WWOX: variants seen among roughly 807,000 people sequenced by gnomAD.
The protein encoded by WWOX is WW domain-containing oxidoreductase.
In WWOX, 69 loss-of-function variants were observed where a neutral mutation model predicts 46.2. The ratio of observed to expected loss-of-function variants is 1.49; its 90% CI spans 1.23 to 1.82. The LOEUF (loss-of-function observed/expected upper bound fraction) is 1.82, where lower values mean the gene tolerates loss of function less well. Ranked by LOEUF, WWOX falls within the 40% of genes most tolerant of loss-of-function variation. The pLI, the probability that WWOX is intolerant of heterozygous loss-of-function variation, is 0.00. For missense variants in WWOX, 919 were observed against 542.6 expected (o/e 1.69, Z -6.89); for synonymous variants, 359 against 202.6 (o/e 1.77, Z -6.56).
chr16:78,359,213 C>G (rs765833669), intron 5 of WWOX, among the ~76,000 whole-genome samples: 15 of 152,172 alleles, frequency 9.9e-5, no homozygotes, highest in Non-Finnish European at 2.1e-4. Context: ...GCTAGGTGAG[C>G]TGGTATCTCC....
intron 4 of WWOX, among the ~76,000 whole-genome samples, chr16:78,158,375 C>A (rs1281467548): frequency 6.6e-6 from 1 of 152,096 alleles, no homozygotes; most frequent in South Asian, 2.1e-4. Context: ...ATAGGGTCTT[C>A]CACCACAGAT....
intron 8 of WWOX, chr16:79,203,131 A>G (rs1414233766): frequency 6.6e-6 from 1 of 152,222 alleles, no homozygotes; most frequent in Non-Finnish European, 1.5e-5. Flanking sequence ...GGTGAATGAA[A>G]TATCTATTGT....
intron 5 of WWOX, among the ~76,000 whole-genome samples, chr16:78,185,487 ATT>A (rs35509706): frequency 2.7e-4 from 39 of 144,910 alleles, no homozygotes; most frequent in Admixed American, 5.5e-4. Flanking sequence ...GTGAACTGTG[ATT>A]TTTTTTTTTT....
intron 8 of WWOX, among the ~76,000 whole-genome samples, chr16:78,798,103 A>G (rs1270563411): frequency 2.0e-5 from 3 of 152,226 alleles, no homozygotes; most frequent in Non-Finnish European, 2.9e-5. Context: ...GAGATGGGGT[A>G]GCTTGCTCAT....
chr16:78,956,677 T>G (rs560858661), intron 8 of WWOX, among the ~76,000 whole-genome samples: 27 of 152,334 alleles, frequency 1.8e-4, no homozygotes, highest in African/African-American at 6.3e-4. Context: ...TGTTTTCACT[T>G]TTTAATCTCT....
chr16:78,319,767 CTG>C (rs1490448028), intron 5 of WWOX, among the ~76,000 whole-genome samples: 7 of 152,208 alleles, frequency 4.6e-5, no homozygotes, highest in Non-Finnish European at 7.3e-5. Flanking sequence ...CGAGGTCTCT[CTG>C]TGCTACCCCT....
intron 8 of WWOX, among the ~76,000 whole-genome samples, chr16:78,920,275 C>T (rs575609387): frequency 9.2e-5 from 14 of 152,316 alleles, no homozygotes; most frequent in African/African-American, 3.4e-4. Flanking sequence ...TGGCCAAACA[C>T]AGTGACCTGG....
chr16:79,123,781 A>T, intron 8 of WWOX, among the ~76,000 whole-genome samples: 1 of 152,290 alleles, frequency 6.6e-6, no homozygotes, highest in Admixed American at 6.5e-5. Context: ...AATTATGTCA[A>T]CCTGATTTCT....
intron 8 of WWOX, among the ~76,000 whole-genome samples, chr16:79,195,759 C>G (rs1291297286): frequency 2.0e-5 from 3 of 152,166 alleles, no homozygotes; most frequent in African/African-American, 7.2e-5. Context: ...TTTGGGGAAA[C>G]ACTCCAGGTA....
intron 8 of WWOX, among the ~76,000 whole-genome samples, chr16:78,461,908 T>G (rs1417551614): frequency 6.6e-6 from 1 of 152,220 alleles, no homozygotes; most frequent in East Asian, 1.9e-4. Context: ...AATATTGTTG[T>G]AAGACTTTTA....
At chr16:78,707,840 TATAAATAAATAAATAAATAAATAA>T (rs10582418) in intron 8 of WWOX, among the ~76,000 whole-genome samples, 6 of 143,858 alleles carry the variant, frequency 4.2e-5, no homozygotes, top group South Asian at 2.3e-4. Context: ...GTCTCAAAAA[TATAAATAAATAAATAAATAAATAA>T]ATAAATAAAT....
intron 8 of WWOX, among the ~76,000 whole-genome samples, chr16:78,739,424 C>G (rs575410771): frequency 6.6e-6 from 1 of 152,260 alleles, no homozygotes; most frequent in East Asian, 1.9e-4. Flanking sequence ...AGAAGGCACA[C>G]TACACATCTT....
At chr16:78,254,522 T>TTTTTTTTTTTTTC in intron 5 of WWOX, among the ~76,000 whole-genome samples, 1 of 143,774 alleles carries the variant, frequency 7.0e-6, no homozygotes, top group African/African-American at 2.6e-5. Flanking sequence ...TTTTTTTTGT[T>TTTTTTTTTTTTTC]TGACACAGGG....
intron 8 of WWOX, among the ~76,000 whole-genome samples, chr16:78,516,458 C>T (rs150457466): frequency 0.01 from 1,550 of 152,216 alleles, 25 homozygotes; most frequent in Middle Eastern, 0.044. Context: ...TTTTTAATTC[C>T]CATGCTCAGA....
chr16:78,888,970 A>T (rs1036087892), intron 8 of WWOX, among the ~76,000 whole-genome samples: 18 of 151,920 alleles, frequency 1.2e-4, no homozygotes, highest in African/African-American at 4.4e-4. Flanking sequence ...GCCCTTAGAA[A>T]GCTTCCCTGG....
chr16:79,204,274 T>A (rs2051436608), intron 8 of WWOX: 2 of 152,100 alleles, frequency 1.3e-5, no homozygotes, highest in South Asian at 4.1e-4. Context: ...TACCTTCTCT[T>A]AGTTCTAATG....
At chr16:78,102,874 G>T (rs1301960952) in intron 1 of WWOX, among the ~76,000 whole-genome samples, 1 of 152,130 alleles carries the variant, frequency 6.6e-6, no homozygotes. Context: ...TCAGCCGCAG[G>T]CTTCTGTGGG....
chr16:78,334,306 G>A (rs540618224), intron 5 of WWOX, among the ~76,000 whole-genome samples: 57 of 152,254 alleles, frequency 3.7e-4, no homozygotes, highest in African/African-American at 1.3e-3. Flanking sequence ...CACAATTTAT[G>A]TTGAATGCAA....
intron 8 of WWOX, among the ~76,000 whole-genome samples, chr16:79,042,910 T>C (rs1293845382): frequency 4.6e-5 from 7 of 152,218 alleles, no homozygotes; most frequent in African/African-American, 1.7e-4. Flanking sequence ...TTTTAAGTGA[T>C]GCGTCAGAAT....
Sources: gnomAD v4.1 joint callset for allele counts (sites outside exome capture counted in the v4.1 genomes callset) on GRCh38, gnomAD v4.1.1 for gene constraint, MANE v1.5 for transcripts, NCBI Gene and HGNC (gene_info 2026-07-23, HGNC 2026-07-21) for gene names.